ELMO1: variants seen among roughly 807,000 people sequenced by gnomAD.
ELMO1 encodes the protein engulfment and cell motility 1.
ELMO1 carries 26 observed loss-of-function variants against 98.9 expected under a neutral mutation model. The ratio of observed to expected loss-of-function variants is 0.26; its 90% CI spans 0.19 to 0.36. ELMO1 has a LOEUF of 0.36. ELMO1 is among the 10% of genes least tolerant of loss of function. ELMO1 has a pLI of 1.00. For missense variants in ELMO1, 627 were observed against 935.2 expected, an observed-to-expected ratio of 0.67 and a Z score of 4.30; for synonymous variants, 346 against 346.0, an observed-to-expected ratio of 1.00 and a Z score of 0.00.
At chr7:37,428,033 GTGT>G (rs1220976691) in intron 1 of ELMO1, among the ~76,000 whole-genome samples, 13 of 71,066 alleles carry the variant, frequency 1.8e-4, no homozygotes, top group East Asian at 6.6e-4. Flanking sequence ...TGCTTGGGGT[GTGT>G]GTGTGTGTGT....
intron 17 of ELMO1, 83 bp downstream of exon 17, chr7:36,894,771 G>GCCCA: frequency 4.5e-6 from 7 of 1,568,010 alleles, no homozygotes; most frequent in African/African-American, 1.3e-5. Flanking sequence ...TCACAACACA[G>GCCCA]CCCAGCTTCA....
At chr7:37,245,760 T>C (rs1245117671) in intron 6 of ELMO1, among the ~76,000 whole-genome samples, 1 of 152,068 alleles carries the variant, frequency 6.6e-6, no homozygotes, top group Non-Finnish European at 1.5e-5. Context: ...GAGATCTAGA[T>C]AGTTCTGGAA....
chr7:37,109,492 C>A (rs1584657962), intron 14 of ELMO1, among the ~76,000 whole-genome samples: 1 of 152,142 alleles, frequency 6.6e-6, no homozygotes, highest in South Asian at 2.1e-4. Flanking sequence ...ACACCCCACG[C>A]GCTGCCTCCA....
chr7:37,043,204 G>C (rs2129197161), intron 15 of ELMO1, among the ~76,000 whole-genome samples: 1 of 152,302 alleles, frequency 6.6e-6, no homozygotes, highest in Admixed American at 6.5e-5. Flanking sequence ...AGCAGCAAGA[G>C]TGGGCAATAG....
At chr7:37,097,387 C>T (rs1458389252) in intron 14 of ELMO1, among the ~76,000 whole-genome samples, 1 of 152,062 alleles carries the variant, frequency 6.6e-6, no homozygotes, top group Non-Finnish European at 1.5e-5. Flanking sequence ...AAAATAAAAA[C>T]TATCTCTACT....
At chr7:37,025,535 C>G (rs1489376646) in intron 15 of ELMO1, among the ~76,000 whole-genome samples, 1 of 152,158 alleles carries the variant, frequency 6.6e-6, no homozygotes, top group African/African-American at 2.4e-5. Flanking sequence ...ACGCCCAACC[C>G]TTGAGGGTCT....
intron 16 of ELMO1, among the ~76,000 whole-genome samples, chr7:36,911,272 T>C (rs1325081369): frequency 1.3e-5 from 2 of 151,820 alleles, no homozygotes; most frequent in South Asian, 4.2e-4. Context: ...ACCTAAAGAA[T>C]AAAAAATACA....
intron 14 of ELMO1, among the ~76,000 whole-genome samples, chr7:37,120,297 G>A (rs565812897): frequency 2.6e-5 from 4 of 152,318 alleles, no homozygotes; most frequent in South Asian, 4.1e-4. Context: ...TGGGTGCAGC[G>A]CACCAAGCGT....
intron 2 of ELMO1, among the ~76,000 whole-genome samples, chr7:37,322,064 T>G (rs1490200279): frequency 6.6e-6 from 1 of 151,768 alleles, no homozygotes; most frequent in Non-Finnish European, 1.5e-5. Flanking sequence ...TTCACTATGT[T>G]GGCCAGACTG....
chr7:37,043,844 A>G (rs1446997597), intron 15 of ELMO1, among the ~76,000 whole-genome samples: 1 of 151,944 alleles, frequency 6.6e-6, no homozygotes, highest in Non-Finnish European at 1.5e-5. Flanking sequence ...CCTGCTTTAG[A>G]TCAAGAACTC....
intron 16 of ELMO1, among the ~76,000 whole-genome samples, chr7:36,943,182 C>T (rs1360227626): frequency 1.3e-5 from 2 of 152,224 alleles, no homozygotes; most frequent in African/African-American, 2.4e-5. Context: ...GGTGGGTGAA[C>T]ATGCAAATGA....
chr7:37,385,364 C>T (rs1008488475), intron 1 of ELMO1, among the ~76,000 whole-genome samples: 5 of 152,224 alleles, frequency 3.3e-5, no homozygotes, highest in Admixed American at 2.0e-4. Context: ...GCCACACTGG[C>T]CCTGCTATTC....
At chr7:37,251,787 A>C (rs1795361843) in intron 6 of ELMO1, among the ~76,000 whole-genome samples, 1 of 152,226 alleles carries the variant, frequency 6.6e-6, no homozygotes, top group African/African-American at 2.4e-5. Context: ...CAGTAAGTCA[A>C]ATTGTCTCTG....
intron 16 of ELMO1, among the ~76,000 whole-genome samples, chr7:37,007,969 G>A (rs562996255): frequency 2.0e-4 from 31 of 152,214 alleles, no homozygotes; most frequent in African/African-American, 7.5e-4. Context: ...TTTAAGGGAT[G>A]GTTTTTCATT....
At chr7:36,983,450 C>T (rs1791237687) in intron 16 of ELMO1, among the ~76,000 whole-genome samples, 1 of 152,120 alleles carries the variant, frequency 6.6e-6, no homozygotes, top group Non-Finnish European at 1.5e-5. Flanking sequence ...CTGATGAAAC[C>T]ATCTTCCCCT....
At chr7:37,103,509 A>G (rs1217284618) in intron 14 of ELMO1, among the ~76,000 whole-genome samples, 1 of 108,366 alleles carries the variant, frequency 9.2e-6, no homozygotes, top group East Asian at 3.3e-4. Context: ...GCACACACCC[A>G]GGCCTGTTGT....
At chr7:37,194,858 A>G (rs1791867102) in intron 13 of ELMO1, among the ~76,000 whole-genome samples, 1 of 152,240 alleles carries the variant, frequency 6.6e-6, no homozygotes, top group African/African-American at 2.4e-5. Flanking sequence ...CTCATAGCAT[A>G]TATCAACTTC....
chr7:36,988,658 A>G (rs1791671254), intron 16 of ELMO1, among the ~76,000 whole-genome samples: 1 of 152,230 alleles, frequency 6.6e-6, no homozygotes, highest in African/African-American at 2.4e-5. Flanking sequence ...ATCTAAAGGA[A>G]GAGTAAAAGT....
intron 4 of ELMO1, among the ~76,000 whole-genome samples, chr7:37,293,643 T>C (rs1797870553): frequency 9.7e-6 from 1 of 103,312 alleles, no homozygotes; most frequent in Non-Finnish European, 2.3e-5. Context: ...GTTTATCTGC[T>C]GACCTTCCCT....
Sources: gnomAD v4.1 joint callset for allele counts (sites outside exome capture counted in the v4.1 genomes callset) on GRCh38, gnomAD v4.1.1 for gene constraint, MANE v1.5 for transcripts, NCBI Gene and HGNC (gene_info 2026-07-23, HGNC 2026-07-21) for gene names.